Variants in PDS5A observed in about 807,000 individuals in gnomAD.
The protein encoded by PDS5A is sister chromatid cohesion protein PDS5 homolog A.
In PDS5A, 42 loss-of-function variants were observed where a neutral mutation model predicts 167.1. The observed-to-expected ratio is 0.25, with a 90% CI of 0.20 to 0.33. The LOEUF is 0.33. PDS5A is among the 10% of genes least tolerant of loss of function. The pLI, the probability that PDS5A is intolerant of heterozygous loss-of-function variation, is 1.00. For synonymous variants in PDS5A, 553 were observed against 554.6 expected, an observed-to-expected ratio of 1.00 and a Z score of 0.04; for missense variants, 1,033 against 1,605.9, an observed-to-expected ratio of 0.64 and a Z score of 6.10.
intron 30 of PDS5A, 74 bp from the exon 31 acceptor site, chr4:39,842,130 G>T: frequency 1.1e-6 from 1 of 945,910 alleles, no homozygotes; most frequent in Non-Finnish European, 1.7e-6. Flanking sequence ...TACCAATAAA[G>T]AAAGGCTTAG....
chr4:39,853,684 C>A (rs1230376158), intron 26 of PDS5A, among the ~76,000 whole-genome samples: 1 of 152,186 alleles, frequency 6.6e-6, no homozygotes, highest in African/African-American at 2.4e-5. Flanking sequence ...CAATTTATTA[C>A]CATCGTTTCT....
chr4:39,900,619 T>G (rs140570297), intron 13 of PDS5A, 112 bp from the exon 14 acceptor site: 21 of 665,948 alleles, frequency 3.2e-5, no homozygotes, highest in Non-Finnish European at 5.4e-5. Flanking sequence ...TACATCTACC[T>G]AAAAGTTTAA....
At chr4:39,900,632 A>G in intron 13 of PDS5A, 125 bp from the exon 14 acceptor site, 1 of 635,620 alleles carries the variant, frequency 1.6e-6, no homozygotes, top group East Asian at 2.8e-5. Context: ...AAGTTTAAAT[A>G]CCGGGAAATA....
At chr4:39,839,500 C>T (rs186219159) in intron 31 of PDS5A, among the ~76,000 whole-genome samples, 1 of 151,914 alleles carries the variant, frequency 6.6e-6, no homozygotes, top group African/African-American at 2.4e-5. Context: ...ACCCAGGAGG[C>T]GGAGGTTGCA....
At position 39,822,972 on chromosome 4, in the gene PDS5A, T is replaced by A. The variant is rs1005528560; in HGVS notation, c.*2513A>T. ...ATTACAAGGTTCTGCTTCAAGTTTTTAAAAAAAATTTAAAAATTCAGCCCA... is the reference window on the plus strand; with the variant it reads ...ATTACAAGGTTCTGCTTCAAGTTTTAAAAAAAAATTTAAAAATTCAGCCCA... On this transcript the variant is annotated 3_prime_UTR_variant, in exon 33 of 33. Transcript: ENST00000303538. The A allele has an allele frequency of 1.3e-5, 2 of 152,492 alleles. No individual in the cohort carries two copies. Among genetic ancestry groups the A allele is most frequent in the Non-Finnish European group, 1.5e-5 (1 of 68,000 alleles). 9.4% of individuals were successfully genotyped at this position (152,492 alleles called of 1,614,324 possible).
At chr4:39,912,032 A>C (rs893455131) in intron 9 of PDS5A, among the ~76,000 whole-genome samples, 5 of 152,184 alleles carry the variant, frequency 3.3e-5, no homozygotes, top group African/African-American at 1.2e-4. Context: ...TAAACGTCTT[A>C]ATGTCTATGG....
At chr4:39,951,288 T>C (rs1728327211) in intron 2 of PDS5A, among the ~76,000 whole-genome samples, 1 of 152,200 alleles carries the variant, frequency 6.6e-6, no homozygotes, top group South Asian at 2.1e-4. Flanking sequence ...AGATTTGATA[T>C]TTAGAGATGA....
In PDS5A at chr4:39,866,784, C is replaced by G. The variant is rs377718493; in HGVS notation, c.2642+77G>C. 1.8e-5 allele frequency: 23 copies of G among 1,271,060 alleles called. No individual in the cohort carries two copies. In the East Asian group the frequency reaches 2.3e-4, roughly 13 times the overall value. 78.7% of individuals were successfully genotyped at this position (1,271,060 alleles called of 1,614,324 possible). A position where few individuals can be genotyped will look rare whatever the true frequency, so the allele number is the denominator to read the frequency against. ...TGGTGTAATTACACCATTCAGTATT[C>G]ATTAGGTAAATAATTCCTATGTAAA... On this transcript the variant is annotated intron_variant, in intron 23 of 32. Transcript: ENST00000303538.
At chr4:39,926,362 T>C (rs1393532327) in intron 4 of PDS5A, among the ~76,000 whole-genome samples, 1 of 151,838 alleles carries the variant, frequency 6.6e-6, no homozygotes. Flanking sequence ...CTACTAAAAA[T>C]ACAAAATTAG....
intron 2 of PDS5A, among the ~76,000 whole-genome samples, chr4:39,930,624 GA>G (rs1725973336): frequency 6.6e-6 from 1 of 152,074 alleles, no homozygotes; most frequent in Non-Finnish European, 1.5e-5. Flanking sequence ...TTATATGAAA[GA>G]AACTGGCTTA....
intron 32 of PDS5A, among the ~76,000 whole-genome samples, chr4:39,835,057 A>T (rs913247055): frequency 1.3e-5 from 2 of 151,966 alleles, no homozygotes; most frequent in Non-Finnish European, 1.5e-5. Context: ...TGCAAACTCT[A>T]CCTCCCGGGT....
At chr4:39,911,626 A>G (rs1309369066) in intron 9 of PDS5A, among the ~76,000 whole-genome samples, 1 of 152,026 alleles carries the variant, frequency 6.6e-6, no homozygotes, top group African/African-American at 2.4e-5. Flanking sequence ...AGGTCGGGAG[A>G]TCAAGACCAT....
intron 2 of PDS5A, among the ~76,000 whole-genome samples, chr4:39,957,203 AAACTT>A (rs1729003574): frequency 6.6e-6 from 1 of 152,108 alleles, no homozygotes; most frequent in African/African-American, 2.4e-5. Context: ...TTCAAGTATT[AAACTT>A]AACAAAATAA....
intron 32 of PDS5A, among the ~76,000 whole-genome samples, chr4:39,832,080 T>C (rs1036523498): frequency 1.3e-5 from 2 of 151,612 alleles, no homozygotes; most frequent in Admixed American, 6.6e-5. Flanking sequence ...ATCTCACCAT[T>C]GTACTCCAGC....
At chr4:39,930,247 G>GTTTTTTTTTTTT (rs1258661213) in intron 2 of PDS5A, among the ~76,000 whole-genome samples, 5 of 61,952 alleles carry the variant, frequency 8.1e-5, no homozygotes, top group Non-Finnish European at 1.3e-4. Context: ...AAAAAAAAAA[G>GTTTTTTTTTTTT]TTTTTTTGTT....
At chr4:39,844,301 A>G (rs924153873) in intron 30 of PDS5A, among the ~76,000 whole-genome samples, 1 of 151,770 alleles carries the variant, frequency 6.6e-6, no homozygotes, top group African/African-American at 2.4e-5. Context: ...ATGGTGAAAC[A>G]CCGTCTCTAC....
chr4:39,901,426 C>A (rs2109653705), intron 13 of PDS5A, among the ~76,000 whole-genome samples: 1 of 152,066 alleles, frequency 6.6e-6, no homozygotes, highest in South Asian at 2.1e-4. Context: ...CACCACCATG[C>A]CCAACTAATA....
intron 2 of PDS5A, among the ~76,000 whole-genome samples, chr4:39,968,234 A>AT (rs1730166267): frequency 6.6e-6 from 1 of 152,086 alleles, no homozygotes; most frequent in African/African-American, 2.4e-5. Context: ...AAATACAGGC[A>AT]TAAGCCAGAG....
At chr4:39,874,957 T>C (rs541363722) in intron 19 of PDS5A, among the ~76,000 whole-genome samples, 26 of 152,282 alleles carry the variant, frequency 1.7e-4, no homozygotes, top group South Asian at 1.0e-3. Context: ...TCCGCATGGA[T>C]TAATTCAACT....
Sources: gnomAD v4.1 joint callset for allele counts (sites outside exome capture counted in the v4.1 genomes callset) on GRCh38, gnomAD v4.1.1 for gene constraint, MANE v1.5 for transcripts, NCBI Gene and HGNC (gene_info 2026-07-23, HGNC 2026-07-21) for gene names.